DNAAF5: variants seen among roughly 807,000 people sequenced by gnomAD.
The protein encoded by DNAAF5 is dynein axonemal assembly factor 5.
In DNAAF5, 64 loss-of-function variants were observed where a neutral mutation model predicts 75.8. That is an observed-to-expected ratio of 0.84 (90% CI 0.69 to 1.04). The LOEUF (loss-of-function observed/expected upper bound fraction) is 1.04. Among genes scored for constraint, DNAAF5 ranks in the 50% least tolerant of loss-of-function variants. DNAAF5 has a pLI of 0.00. For synonymous variants in DNAAF5, 657 were observed against 557.2 expected (o/e 1.18, Z -2.52); for missense variants, 1,269 against 1,178.5 (o/e 1.08, Z -1.12).
intron 9 of DNAAF5, chr7:770,899 G>A (rs140642384): frequency 2.7e-6 from 1 of 375,756 alleles, no homozygotes; most frequent in Non-Finnish European, 5.0e-6. Flanking sequence ...TCTGAGGTGG[G>A]CGTGTGCAGT....
chr7:782,871 G>A (rs577673522), intron 12 of DNAAF5, among the ~76,000 whole-genome samples: 260 of 152,016 alleles, frequency 1.7e-3, no homozygotes, highest in African/African-American at 5.7e-3. Context: ...TGGCGTGGCC[G>A]CGTCCCCTCA....
chr7:745,168 A>T (rs548005386), intron 4 of DNAAF5, among the ~76,000 whole-genome samples: 38 of 152,310 alleles, frequency 2.5e-4, no homozygotes, highest in Non-Finnish European at 2.9e-5. Flanking sequence ...GAGAGGGTCC[A>T]GCCTGTCTGC....
In DNAAF5 at chr7:761,755, C is replaced by T. The variant is rs749951387; in HGVS notation, c.1473C>T (p.Asp491=). ...ACGGTGCTGCCGGTCTCTTCCAGGACCTCTACCTGGAGCGCCTGCTGCTGT... is the reference window on the plus strand; with the variant it reads ...ACGGTGCTGCCGGTCTCTTCCAGGATCTCTACCTGGAGCGCCTGCTGCTGT... The part of the protein sequence containing the change: ...QAHICQASEN[D]LYLERLLLCV... The change falls in exon 7 of 13, where the codon GAC becomes GAT. Residue 491 remains aspartate (D), a splice_region_variant and synonymous_variant. Coordinates refer to ENST00000297440, the MANE Select transcript of DNAAF5 (RefSeq NM_017802.4). 2.6e-5 allele frequency: 41 copies of T among 1,602,394 alleles called. No individual in the cohort carries two copies. The highest frequency in any genetic ancestry group is 3.4e-5 in the South Asian group (3 of 88,748).
intron 8 of DNAAF5, among the ~76,000 whole-genome samples, chr7:764,508 C>G (rs1318292608): frequency 3.3e-5 from 5 of 152,340 alleles, no homozygotes; most frequent in Admixed American, 2.6e-4. Flanking sequence ...GGACACACGG[C>G]CCGCGCTGCT....
chr7:743,937 T>C (rs1458423528), intron 4 of DNAAF5, among the ~76,000 whole-genome samples: 1 of 150,518 alleles, frequency 6.6e-6, no homozygotes, highest in Non-Finnish European at 1.5e-5. Flanking sequence ...TTTATTTTTA[T>C]TTTATTTTAT....
At chr7:784,595 C>T (rs1009151583) in intron 12 of DNAAF5, among the ~76,000 whole-genome samples, 1 of 152,154 alleles carries the variant, frequency 6.6e-6, no homozygotes, top group Non-Finnish European at 1.5e-5. Context: ...CACACCACCA[C>T]GAGCCCCTGA....
chr7:776,393 G>T (rs1225354215), intron 11 of DNAAF5, among the ~76,000 whole-genome samples: 1 of 152,208 alleles, frequency 6.6e-6, no homozygotes, highest in Non-Finnish European at 1.5e-5. Context: ...TTGGTACTAT[G>T]AGAACAAACA....
chr7:753,585 A>ACGTC (rs1217928144), intron 4 of DNAAF5, among the ~76,000 whole-genome samples: 2 of 111,038 alleles, frequency 1.8e-5, no homozygotes, highest in African/African-American at 7.1e-5. Flanking sequence ...TCATATGGGG[A>ACGTC]CGGCTTCACA....
intron 8 of DNAAF5, among the ~76,000 whole-genome samples, chr7:764,549 TTCC>T (rs1362094345): frequency 1.3e-5 from 2 of 152,212 alleles, no homozygotes; most frequent in Non-Finnish European, 2.9e-5. Context: ...GCGGTAGCTC[TTCC>T]TCGTTTGCCT....
chr7:782,056 G>A (rs1778966453), intron 12 of DNAAF5, among the ~76,000 whole-genome samples: 1 of 152,230 alleles, frequency 6.6e-6, no homozygotes, highest in Non-Finnish European at 1.5e-5. Context: ...CCTTCCCCGC[G>A]CAGCTGCGTC....
intron 4 of DNAAF5, among the ~76,000 whole-genome samples, chr7:745,560 C>A (rs1217625065): frequency 6.6e-6 from 1 of 152,148 alleles, no homozygotes; most frequent in Non-Finnish European, 1.5e-5. Context: ...TACACACATC[C>A]TCGCACATGT....
At chr7:752,401 G>A (rs1782329290) in intron 4 of DNAAF5, among the ~76,000 whole-genome samples, 1 of 147,290 alleles carries the variant, frequency 6.8e-6, no homozygotes, top group Non-Finnish European at 1.5e-5. Context: ...GCTTCCCTGG[G>A]TGCATCCTCA....
In DNAAF5 at chr7:754,459, C is replaced by A. The variant is rs1285386743; in HGVS notation, c.1025-130C>A. The A allele has an allele frequency of 1.3e-6, 1 of 784,440 alleles. No individual in the cohort carries two copies. The allele number at this position is 784,440 out of a possible 1,614,324, so 48.6% of individuals were successfully genotyped here. A position where few individuals can be genotyped will look rare whatever the true frequency, so the allele number is the denominator to read the frequency against. ...ACGGGGCATTTGTCAGCTTTGCGTC[C>A]ACCCCAAGACTTGTTTTGAAATGGT... is the stretch of plus-strand genomic sequence containing the variant. On this transcript the variant is annotated intron_variant, in intron 4 of 12. Coordinates refer to ENST00000297440, the MANE Select transcript of DNAAF5 (RefSeq NM_017802.4). The surrounding 1 kb of genome is among the most constrained non-coding windows in gnomAD (Gnocchi z 4.8).
chr7:752,963 C>T (rs1193698951), intron 4 of DNAAF5, among the ~76,000 whole-genome samples: 2 of 152,214 alleles, frequency 1.3e-5, no homozygotes, highest in South Asian at 2.1e-4. Flanking sequence ...AGAAGACGCT[C>T]GGCGTCGTTA....
chr7:753,149 C>T (rs900254126), intron 4 of DNAAF5, among the ~76,000 whole-genome samples: 18 of 152,250 alleles, frequency 1.2e-4, no homozygotes, highest in Non-Finnish European at 7.3e-5. Context: ...TGCACCTTCC[C>T]TGTGGCCCAG....
intron 1 of DNAAF5, among the ~76,000 whole-genome samples, chr7:728,934 C>T (rs1479448611): frequency 6.6e-6 from 1 of 152,090 alleles, no homozygotes; most frequent in Non-Finnish European, 1.5e-5. Context: ...CCAGACGGGC[C>T]CCAAGTAGTG....
Position 761,861 on chromosome 7 carries a change from G to C in DNAAF5, c.1579G>C (p.Val527Leu). ...GCTCTTGGACGTGCTGCTGACAATA[G>C]TGGCCCTCGCAGGTGCTACCGGCCT... ...LQLLDVLLTI[V>L]ALAGATGLRD... is the part of the protein sequence containing the mutation. The change falls in exon 7 of 13, where the codon GTG becomes CTG. Residue 527 changes from valine to leucine, a missense_variant. Coordinates refer to ENST00000297440, the MANE Select transcript of DNAAF5 (RefSeq NM_017802.4). 1 of 1,589,458 alleles carries C rather than the reference G, an allele frequency of 6.3e-7. No individual in the cohort carries two copies. The highest frequency in any genetic ancestry group is 1.1e-5 in the South Asian group (1 of 87,204).
Position 726,799 on chromosome 7 carries a change from C to G in DNAAF5, c.79C>G (p.Leu27Val), listed in dbSNP as rs1487987262. The change falls in exon 1 of 13, where the codon CTG becomes GTG. Residue 27 changes from leucine (L) to valine (V), a missense_variant. Physicochemically the swap from Leu to Val is conservative, Grantham distance 32 (BLOSUM62 1). Coordinates refer to ENST00000297440, the MANE Select transcript of DNAAF5 (RefSeq NM_017802.4). Reference protein sequence around the residue: ...EGAETAEAVELSRALSRLLPG... With the variant: ...EGAETAEAVEVSRALSRLLPG... ...GGCCGAGACGGCTGAGGCGGTGGAG[C>G]TGAGCCGCGCCCTGAGCCGCCTGCT... 16 of 1,302,460 alleles carry G rather than the reference C, an allele frequency of 1.2e-5. No individual in the cohort carries two copies. Among genetic ancestry groups the G allele is most frequent in the Non-Finnish European group, 1.5e-5 (15 of 1,028,862 alleles). The allele number at this position is 1,302,460 out of a possible 1,614,324, so 80.7% of individuals were successfully genotyped here.
rs28756034 is a variant in DNAAF5 at position 743,269 on chromosome 7, A to C, written c.1024+1804A>C. ...TGCATGCCTGTATCCCAGCTGCTCC[A>C]GAGGCTGAGGTGGGAGGATCGCTTG... On this transcript the variant is annotated intron_variant, in intron 4 of 12. Coordinates refer to ENST00000297440, the MANE Select transcript of DNAAF5 (RefSeq NM_017802.4). Among the ~76,000 whole-genome samples, 730 of 152,040 alleles carry C rather than the reference A, an allele frequency of 4.8e-3. 10 individuals are homozygous for C. Among genetic ancestry groups the C allele is most frequent in the East Asian group, 0.027 (141 of 5,162 alleles).
Sources: gnomAD v4.1 joint callset for allele counts (sites outside exome capture counted in the v4.1 genomes callset) on GRCh38, gnomAD v4.1.1 for gene constraint, Gnocchi (gnomAD v3.1) non-coding constraint, MANE v1.5 for transcripts, NCBI Gene and HGNC (gene_info 2026-07-23, HGNC 2026-07-21) for gene names.